Variants in CALN1 observed in about 807,000 individuals in gnomAD.
The protein encoded by CALN1 is calcium-binding protein 8.
CALN1 carries 17 observed loss-of-function variants against 30.6 expected under a neutral mutation model. That is an observed-to-expected ratio of 0.56 (90% CI 0.38 to 0.83). The LOEUF is 0.83. Among genes scored for constraint, CALN1 ranks in the 40% least tolerant of loss-of-function variants. The pLI is 0.00. For synonymous variants in CALN1, 156 were observed against 131.4 expected (o/e 1.19, Z -1.28); for missense variants, 291 against 354.9 (o/e 0.82, Z 1.45).
intron 6 of CALN1, among the ~76,000 whole-genome samples, chr7:71,791,833 C>A (rs1253482651): frequency 6.6e-6 from 1 of 152,132 alleles, no homozygotes; most frequent in African/African-American, 2.4e-5. Context: ...CACGGTGAAA[C>A]CCTGTCTCTA....
intron 2 of CALN1, among the ~76,000 whole-genome samples, chr7:72,396,261 A>AGAAAGAAAAG (rs1805943761): frequency 1.4e-5 from 2 of 146,224 alleles, no homozygotes; most frequent in Non-Finnish European, 3.0e-5. Context: ...AAAAAAAGAA[A>AGAAAGAAAAG]GAAAAAGAAA....
intron 2 of CALN1, among the ~76,000 whole-genome samples, chr7:72,305,777 C>G (rs1799604870): frequency 6.6e-6 from 1 of 152,204 alleles, no homozygotes; most frequent in Non-Finnish European, 1.5e-5. Context: ...TTCTTATAGC[C>G]TGAAGGCTGG....
chr7:71,840,959 A>G (rs1006797394), intron 5 of CALN1, among the ~76,000 whole-genome samples: 10 of 72,720 alleles, frequency 1.4e-4, no homozygotes, highest in Admixed American at 3.3e-4. Context: ...TTTCTTTGGA[A>G]AAAAAAAAAA....
At chr7:72,345,975 C>T (rs114390364) in intron 2 of CALN1, among the ~76,000 whole-genome samples, 1,688 of 152,004 alleles carry the variant, frequency 0.011, 40 homozygotes, top group African/African-American at 0.038. Context: ...AAACAGCAGA[C>T]AATAGGAAAA....
intron 3 of CALN1, among the ~76,000 whole-genome samples, chr7:72,139,161 G>C (rs916348767): frequency 6.6e-6 from 1 of 152,166 alleles, no homozygotes; most frequent in African/African-American, 2.4e-5. Flanking sequence ...TTCCACACCA[G>C]GCCAGAGCCC....
intron 5 of CALN1, among the ~76,000 whole-genome samples, chr7:71,822,302 G>A (rs1350689248): frequency 6.6e-6 from 1 of 151,986 alleles, no homozygotes; most frequent in Non-Finnish European, 1.5e-5. Flanking sequence ...AGGCTGGAGT[G>A]CAATGGTGTG....
At chr7:71,829,368 C>T (rs1337247453) in intron 5 of CALN1, among the ~76,000 whole-genome samples, 2 of 152,166 alleles carry the variant, frequency 1.3e-5, no homozygotes, top group Admixed American at 6.5e-5. Context: ...CTTGGAGCCT[C>T]CAGGAAGACA....
chr7:72,490,380 T>C, the CALN1 span, among the ~76,000 whole-genome samples: 1 of 152,232 alleles, frequency 6.6e-6, no homozygotes, highest in East Asian at 1.9e-4. Flanking sequence ...TATAGAGCAA[T>C]GACTCTGGAG....
intron 2 of CALN1, among the ~76,000 whole-genome samples, chr7:72,369,359 T>TTTTGTTGTTG (rs3030372): frequency 1.5e-4 from 22 of 146,712 alleles, no homozygotes; most frequent in African/African-American, 5.5e-4. Context: ...TATTTATTTT[T>TTTTGTTGTTG]TTGTTGTTGT....
At chr7:71,986,890 G>C (rs1798699640) in intron 5 of CALN1, among the ~76,000 whole-genome samples, 2 of 152,204 alleles carry the variant, frequency 1.3e-5, no homozygotes, top group Non-Finnish European at 2.9e-5. Flanking sequence ...CACTTTGGGA[G>C]ACTGAGGCAG....
chr7:72,073,130 G>A (rs906900587), intron 4 of CALN1, among the ~76,000 whole-genome samples: 16 of 152,138 alleles, frequency 1.1e-4, no homozygotes, highest in Non-Finnish European at 1.9e-4. Context: ...TTTATGATAA[G>A]TGAAATAAGC....
intron 5 of CALN1, among the ~76,000 whole-genome samples, chr7:71,848,142 C>G (rs1017870288): frequency 6.6e-6 from 1 of 152,068 alleles, no homozygotes; most frequent in South Asian, 2.1e-4. Context: ...AAGAAAGCAC[C>G]CTGGGAGAAT....
chr7:72,068,070 C>G (rs1485887629), intron 4 of CALN1, among the ~76,000 whole-genome samples: 3 of 152,120 alleles, frequency 2.0e-5, no homozygotes, highest in East Asian at 1.9e-4. Flanking sequence ...TTTGTGCCCA[C>G]GTGTTAATGC....
chr7:72,336,690 G>A (rs570768986), intron 2 of CALN1: 2 of 985,200 alleles, frequency 2.0e-6, no homozygotes, highest in Admixed American at 6.2e-5. Flanking sequence ...TAGGGAGCCG[G>A]CGGCGGCACT....
intron 2 of CALN1, among the ~76,000 whole-genome samples, chr7:72,379,042 G>T (rs1407922138): frequency 6.6e-6 from 1 of 152,114 alleles, no homozygotes; most frequent in South Asian, 2.1e-4. Context: ...TGAGATAAAC[G>T]TTCACTTGGT....
intron 5 of CALN1, among the ~76,000 whole-genome samples, chr7:71,859,466 T>G (rs1308444270): frequency 2.6e-5 from 4 of 152,200 alleles, no homozygotes; most frequent in Non-Finnish European, 5.9e-5. Context: ...TATGGGTTGT[T>G]CCCGTCAGAG....
intron 5 of CALN1, among the ~76,000 whole-genome samples, chr7:71,994,984 C>G (rs1399395441): frequency 6.6e-6 from 1 of 151,974 alleles, no homozygotes; most frequent in Non-Finnish European, 1.5e-5. Flanking sequence ...TCCTGAGTAG[C>G]TGGGACTACA....
In CALN1 at chr7:72,338,903, G is replaced by T. The variant is rs958477294; in HGVS notation, c.120-60093C>A. On this transcript the variant is annotated intron_variant, in intron 2 of 6. Coordinates refer to ENST00000395275, the MANE Select transcript of CALN1 (RefSeq NM_031468.4). ...TAATAGGTCTTATTCATTCTAACTT[G>T]TTTTTTTTTTTTTAACCTATTAACC... Among the ~76,000 whole-genome samples, 33 of 140,732 alleles carry T rather than the reference G, an allele frequency of 2.3e-4. No homozygotes were observed. In the East Asian group the frequency reaches 2.9e-3, roughly 12 times the overall value. 92.3% of individuals were successfully genotyped at this position (140,732 alleles called of 152,430 possible).
intron 5 of CALN1, among the ~76,000 whole-genome samples, chr7:71,940,305 T>G (rs548463226): frequency 6.6e-6 from 1 of 152,344 alleles, no homozygotes. Context: ...CAATCTGTTC[T>G]TCTGGGATGG....
Sources: allele counts gnomAD v4.1 joint callset (sites outside exome capture counted in the v4.1 genomes callset), GRCh38; gene constraint gnomAD v4.1.1; transcripts MANE v1.5; gene names NCBI Gene and HGNC (gene_info 2026-07-23, HGNC 2026-07-21).